The following IFT88 variants were observed in gnomAD, a reference collection of about 807,000 sequenced individuals.
IFT88 encodes the protein intraflagellar transport 88, also known as intraflagellar transport protein 88 homolog.
A neutral mutation model predicts 119.5 loss-of-function variants in IFT88; 74 were observed. The observed-to-expected ratio is 0.62, with a 90% CI of 0.51 to 0.75. IFT88 has a LOEUF of 0.75. IFT88 is among the 30% of genes least tolerant of loss of function. The pLI, the probability that IFT88 is intolerant of heterozygous loss-of-function variation, is 0.00. For synonymous variants in IFT88, 279 were observed against 316.7 expected, an observed-to-expected ratio of 0.88 and a Z score of 1.26; for missense variants, 961 against 977.7, an observed-to-expected ratio of 0.98 and a Z score of 0.23.
chr13:20,680,488 A>T (rs2057195024), intron 24 of IFT88, among the ~76,000 whole-genome samples: 3 of 152,208 alleles, frequency 2.0e-5, no homozygotes, highest in Non-Finnish European at 2.9e-5. Flanking sequence ...TTGTTTCAGC[A>T]GTCACTGGGG....
At chr13:20,630,979 T>G (rs759670485) in intron 15 of IFT88, 37 bp from the exon 16 acceptor site, 1 of 1,209,090 alleles carries the variant, frequency 8.3e-7, no homozygotes, top group African/African-American at 1.8e-5. Context: ...TACTGTCATA[T>G]TACAGTGGTA....
chr13:20,569,901 C>G (rs1416067009), intron 1 of IFT88, among the ~76,000 whole-genome samples: 1 of 151,718 alleles, frequency 6.6e-6, no homozygotes, highest in South Asian at 2.1e-4. Flanking sequence ...AAAAATTAGC[C>G]GGGCTTGGTG....
chr13:20,664,547 TG>T (rs2054337084), intron 23 of IFT88, among the ~76,000 whole-genome samples: 1 of 152,162 alleles, frequency 6.6e-6, no homozygotes, highest in South Asian at 2.1e-4. Flanking sequence ...CTGTAAGCCA[TG>T]TAGCAGTGCT....
intron 24 of IFT88, among the ~76,000 whole-genome samples, chr13:20,679,525 G>T (rs1442737306): frequency 6.6e-6 from 1 of 152,176 alleles, no homozygotes; most frequent in Non-Finnish European, 1.5e-5. Flanking sequence ...GTATCCATAC[G>T]CCTTCTCGGG....
chr13:20,663,408 A>G, intron 22 of IFT88, 90 bp from the exon 23 acceptor site: 1 of 1,561,474 alleles, frequency 6.4e-7, no homozygotes, highest in Non-Finnish European at 8.7e-7. Flanking sequence ...TCCTACCTGT[A>G]TCCCAAAAGA....
intron 11 of IFT88, 105 bp from the exon 12 acceptor site, chr13:20,601,600 A>T: frequency 1.5e-6 from 1 of 654,356 alleles, no homozygotes; most frequent in Non-Finnish European, 2.6e-6. Context: ...CAAAACAAAA[A>T]CGAAGTAAAG....
At chr13:20,609,377 T>C (rs369175334) in intron 13 of IFT88, among the ~76,000 whole-genome samples, 3 of 152,222 alleles carry the variant, frequency 2.0e-5, no homozygotes, top group East Asian at 1.9e-4. Flanking sequence ...GTGTTTATGT[T>C]AGGATCTGAA....
intron 2 of IFT88, among the ~76,000 whole-genome samples, chr13:20,581,189 T>A (rs1454919632): frequency 6.6e-6 from 1 of 152,218 alleles, no homozygotes; most frequent in Non-Finnish European, 1.5e-5. Flanking sequence ...TTTTCTTTGA[T>A]CTTAACTGTA....
intron 14 of IFT88, among the ~76,000 whole-genome samples, chr13:20,624,442 C>T (rs1465871992): frequency 1.3e-5 from 2 of 152,096 alleles, no homozygotes; most frequent in South Asian, 2.1e-4. Context: ...GCATTCCTTC[C>T]ACCAGGGTTT....
intron 24 of IFT88, among the ~76,000 whole-genome samples, chr13:20,684,681 T>C (rs1736301010): frequency 6.6e-6 from 1 of 152,226 alleles, no homozygotes. Flanking sequence ...AGTCAGCTGG[T>C]GCTAACCTTC....
At chr13:20,618,588 A>G (rs2046006179) in intron 14 of IFT88, among the ~76,000 whole-genome samples, 1 of 152,196 alleles carries the variant, frequency 6.6e-6, no homozygotes, top group South Asian at 2.1e-4. Flanking sequence ...GCTCTATACT[A>G]TGCAAATAGT....
At chr13:20,638,185 T>G (rs1427333124) in intron 16 of IFT88, 147 bp from the exon 17 acceptor site, 1 of 442,224 alleles carries the variant, frequency 2.3e-6, no homozygotes, top group Admixed American at 4.4e-5. Flanking sequence ...CTATGTAGAA[T>G]CAGACTATCA....
chr13:20,596,164 TA>T lies in IFT88; in HGVS notation c.416del (p.Lys139SerfsTer3). 6.6e-7 allele frequency: 1 copy of T among 1,509,732 alleles called. No individual in the cohort carries two copies. The highest frequency in any genetic ancestry group is 9.0e-7 in the Non-Finnish European group (1 of 1,113,258). The allele number at this position is 1,509,732 out of a possible 1,614,324, so 93.5% of individuals were successfully genotyped here. ...AKKKDSPEEK[I>X]KQLEKEVNEL... ...GTCTTTAATAGCCCAGAGGAAAAAA[TA>T]AAGCAATTAGAGAAGGAAGTAAATG... On this transcript the variant is annotated frameshift_variant, in exon 8 of 26. Coordinates refer to ENST00000351808, the MANE Select transcript of IFT88 (RefSeq NM_006531.5). LOFTEE classifies it high-confidence loss of function.
chr13:20,582,362 T>A (rs2038859318), intron 2 of IFT88, among the ~76,000 whole-genome samples: 1 of 152,152 alleles, frequency 6.6e-6, no homozygotes, highest in South Asian at 2.1e-4. Context: ...TCTACTGAGA[T>A]GTTGATTCCA....
At chr13:20,662,562 G>T (rs2053991485) in intron 22 of IFT88, among the ~76,000 whole-genome samples, 1 of 152,166 alleles carries the variant, frequency 6.6e-6, no homozygotes, top group South Asian at 2.1e-4. Context: ...GATGAGTAAT[G>T]AGTAACTTTT....
intron 22 of IFT88, among the ~76,000 whole-genome samples, chr13:20,662,794 C>T (rs2054034346): frequency 1.3e-5 from 2 of 152,090 alleles, no homozygotes; most frequent in Non-Finnish European, 2.9e-5. Flanking sequence ...TTTAGAAACA[C>T]AAGCTTGAAT....
intron 24 of IFT88, among the ~76,000 whole-genome samples, chr13:20,673,778 T>C (rs951007894): frequency 2.6e-5 from 4 of 152,212 alleles, no homozygotes; most frequent in Non-Finnish European, 5.9e-5. Flanking sequence ...CCTTTCTTTC[T>C]TCCAGTCCAT....
intron 3 of IFT88, among the ~76,000 whole-genome samples, chr13:20,583,864 A>G (rs943226372): frequency 3.3e-5 from 5 of 152,120 alleles, no homozygotes; most frequent in African/African-American, 9.7e-5. Context: ...AGTTCTCCCA[A>G]CACTATTTGC....
intron 18 of IFT88, chr13:20,642,229 A>C (rs2050060116): frequency 6.6e-6 from 1 of 152,230 alleles, no homozygotes; most frequent in South Asian, 2.1e-4. Context: ...TATGTTTAGA[A>C]AATTTTATAT....
Sources: allele counts gnomAD v4.1 joint callset (sites outside exome capture counted in the v4.1 genomes callset), GRCh38; gene constraint gnomAD v4.1.1; transcripts MANE v1.5; gene names NCBI Gene and HGNC (gene_info 2026-07-23, HGNC 2026-07-21).